Variants in DCLK1 observed in about 807,000 individuals in gnomAD.
DCLK1 encodes serine/threonine-protein kinase DCLK1.
A neutral mutation model predicts 86.2 loss-of-function variants in DCLK1; 16 were observed. The ratio of observed to expected loss-of-function variants is 0.19; its 90% CI spans 0.13 to 0.28. The LOEUF (loss-of-function observed/expected upper bound fraction) is 0.28, where lower values mean the gene tolerates loss of function less well. Ranked by LOEUF, DCLK1 falls within the 10% of genes least tolerant of loss-of-function variation. The pLI, the probability that DCLK1 is intolerant of heterozygous loss-of-function variation, is 1.00. For synonymous variants in DCLK1, 369 were observed against 370.5 expected, an observed-to-expected ratio of 1.00 and a Z score of 0.05; for missense variants, 590 against 940.2, an observed-to-expected ratio of 0.63 and a Z score of 4.87.
At chr13:35,891,399 T>G (rs545470779) in intron 4 of DCLK1, among the ~76,000 whole-genome samples, 111 of 152,310 alleles carry the variant, frequency 7.3e-4, no homozygotes, top group African/African-American at 2.5e-3. Flanking sequence ...AACATTACTT[T>G]TGTAAAACAA....
intron 4 of DCLK1, among the ~76,000 whole-genome samples, chr13:35,881,551 T>C (rs537778726): frequency 1.1e-4 from 16 of 152,354 alleles, no homozygotes; most frequent in African/African-American, 3.8e-4. Context: ...TAGTTTGTTC[T>C]CATTTGGTTG....
intron 15 of DCLK1, among the ~76,000 whole-genome samples, chr13:35,798,225 G>T (rs1258996351): frequency 6.6e-6 from 1 of 152,212 alleles, no homozygotes; most frequent in Non-Finnish European, 1.5e-5. Flanking sequence ...GCTGTGGGGA[G>T]GCTTGTGGGG....
At chr13:35,866,620 T>C (rs904746704) in intron 5 of DCLK1, among the ~76,000 whole-genome samples, 1 of 151,150 alleles carries the variant, frequency 6.6e-6, no homozygotes, top group African/African-American at 2.4e-5. Flanking sequence ...TTTTGTATTT[T>C]TTTTTTTTTT....
intron 3 of DCLK1, among the ~76,000 whole-genome samples, chr13:36,034,115 C>G (rs886352934): frequency 6.6e-6 from 1 of 152,026 alleles, no homozygotes; most frequent in African/African-American, 2.4e-5. Context: ...TAGTTCAAAA[C>G]TAACTCAAAA....
intron 8 of DCLK1, among the ~76,000 whole-genome samples, chr13:35,833,923 G>A (rs1869159603): frequency 6.6e-6 from 1 of 152,206 alleles, no homozygotes; most frequent in Admixed American, 6.5e-5. Context: ...GACCCAAGAT[G>A]TGAACTCACG....
chr13:36,094,621 T>G (rs1186184076), intron 3 of DCLK1, among the ~76,000 whole-genome samples: 2 of 152,218 alleles, frequency 1.3e-5, no homozygotes, highest in Non-Finnish European at 2.9e-5. Flanking sequence ...CTTACAGTTT[T>G]TAAAGGGTAT....
intron 3 of DCLK1, among the ~76,000 whole-genome samples, chr13:36,000,563 C>A (rs1880667628): frequency 1.3e-5 from 2 of 151,944 alleles, no homozygotes; most frequent in Non-Finnish European, 2.9e-5. Flanking sequence ...GTATTATATA[C>A]CATTTACATA....
Position 36,125,759 on chromosome 13 carries a change from C to T in DCLK1, c.376+3G>A. 1.2e-6 allele frequency: 2 copies of T among 1,610,840 alleles called. No individual in the cohort carries two copies. The highest frequency in any genetic ancestry group is 2.7e-5 in the African/African-American group (2 of 74,976). On this transcript the variant is annotated splice_donor_region_variant and intron_variant, in intron 2 of 16. Transcript: ENST00000360631. ...CACGTGGGGGTTATCTCACAGCGCT[C>T]ACCTTCCACCAGTTGGTCCAGGCTG... is the stretch of plus-strand genomic sequence containing the variant.
At chr13:35,916,983 T>C (rs1209571723) in intron 4 of DCLK1, among the ~76,000 whole-genome samples, 2 of 152,164 alleles carry the variant, frequency 1.3e-5, no homozygotes, top group East Asian at 3.9e-4. Flanking sequence ...GGCCTTCTTC[T>C]ACCTCGAGGA....
chr13:35,979,787 G>A (rs940421106), intron 3 of DCLK1, among the ~76,000 whole-genome samples: 2 of 152,096 alleles, frequency 1.3e-5, no homozygotes, highest in Admixed American at 6.5e-5. Context: ...CTTTGTCTCC[G>A]CAAAGGCAAC....
intron 3 of DCLK1, among the ~76,000 whole-genome samples, chr13:36,029,636 A>G (rs1401422554): frequency 6.6e-6 from 1 of 152,192 alleles, no homozygotes; most frequent in Admixed American, 6.5e-5. Context: ...TTGAGACACA[A>G]TCATAGCAAA....
At chr13:35,936,398 A>G (rs1876751169) in intron 4 of DCLK1, among the ~76,000 whole-genome samples, 1 of 152,226 alleles carries the variant, frequency 6.6e-6, no homozygotes, top group African/African-American at 2.4e-5. Flanking sequence ...TATTCCAGAA[A>G]TGTCAAAGCA....
intron 6 of DCLK1, among the ~76,000 whole-genome samples, chr13:35,853,998 G>C (rs976777299): frequency 6.6e-5 from 10 of 152,116 alleles, no homozygotes; most frequent in African/African-American, 2.2e-4. Context: ...CTCCATAAAT[G>C]CAAGTAGTGA....
At chr13:36,015,119 C>T (rs1881490457) in intron 3 of DCLK1, among the ~76,000 whole-genome samples, 1 of 152,074 alleles carries the variant, frequency 6.6e-6, no homozygotes, top group African/African-American at 2.4e-5. Context: ...CAATATATTT[C>T]CAGCCCTTGG....
intron 11 of DCLK1, among the ~76,000 whole-genome samples, chr13:35,816,224 T>C (rs1035044934): frequency 5.9e-5 from 9 of 152,282 alleles, no homozygotes; most frequent in Non-Finnish European, 1.2e-4. Flanking sequence ...CAATATGTCA[T>C]AGTAGGAAAA....
intron 4 of DCLK1, among the ~76,000 whole-genome samples, chr13:35,912,270 C>T (rs1168604349): frequency 1.3e-5 from 2 of 152,162 alleles, no homozygotes; most frequent in African/African-American, 4.8e-5. Flanking sequence ...GTGGCAAAAT[C>T]CCATGTTTGA....
At chr13:35,859,258 G>A (rs1871250526) in intron 5 of DCLK1, among the ~76,000 whole-genome samples, 1 of 152,158 alleles carries the variant, frequency 6.6e-6, no homozygotes, top group Non-Finnish European at 1.5e-5. Context: ...ACTAAACTCT[G>A]AATTAGTAAA....
chr13:36,044,607 C>T (rs943024190), intron 3 of DCLK1, among the ~76,000 whole-genome samples: 3 of 151,992 alleles, frequency 2.0e-5, no homozygotes, highest in African/African-American at 7.3e-5. Flanking sequence ...AAAAATGAGT[C>T]AACTAATAAC....
chr13:35,931,898 C>T (rs1319626284), intron 4 of DCLK1, among the ~76,000 whole-genome samples: 1 of 152,168 alleles, frequency 6.6e-6, no homozygotes, highest in Non-Finnish European at 1.5e-5. Context: ...AAGGCACTTA[C>T]AATAAAGTAA....
Sources: gnomAD v4.1 joint callset for allele counts (sites outside exome capture counted in the v4.1 genomes callset) on GRCh38, gnomAD v4.1.1 for gene constraint, MANE v1.5 for transcripts, NCBI Gene and HGNC (gene_info 2026-07-23, HGNC 2026-07-21) for gene names.